The following CTNNA2 variants were observed in gnomAD, a reference collection of about 807,000 sequenced individuals.
CTNNA2 encodes the protein catenin alpha 2, also known as catenin alpha-2.
CTNNA2 carries 42 observed loss-of-function variants against 101.0 expected under a neutral mutation model. That is an observed-to-expected ratio of 0.42 (90% confidence interval 0.32 to 0.54). CTNNA2 has a LOEUF of 0.54. Ranked by LOEUF, CTNNA2 falls within the 20% of genes least tolerant of loss-of-function variation. The probability of loss-of-function intolerance (pLI) is 0.14; values close to 1 mark genes in which losing one functional copy is unlikely to be tolerated. For missense variants in CTNNA2, 871 were observed against 1,223.1 expected (o/e 0.71, Z 4.29); for synonymous variants, 450 against 456.4 (o/e 0.99, Z 0.18).
chr2:80,618,083 C>G (rs17019502), intron 17 of CTNNA2, among the ~76,000 whole-genome samples: 7,745 of 151,668 alleles, frequency 0.051, 662 homozygotes, highest in African/African-American at 0.18. Flanking sequence ...TTTGAGTATT[C>G]TATTTTAAAC....
intron 2 of CTNNA2, among the ~76,000 whole-genome samples, chr2:79,205,408 T>G (rs146129874): frequency 1.2e-4 from 19 of 152,308 alleles, no homozygotes; most frequent in Admixed American, 1.2e-3. Flanking sequence ...TTTTATGCTA[T>G]GAAGTTTGCA....
chr2:79,771,867 G>T (rs1673608311), intron 3 of CTNNA2, among the ~76,000 whole-genome samples: 1 of 152,058 alleles, frequency 6.6e-6, no homozygotes, highest in Admixed American at 6.6e-5. Flanking sequence ...CGACTGTTTT[G>T]TACATTTTAA....
At chr2:80,124,173 G>C (rs559039881) in intron 7 of CTNNA2, among the ~76,000 whole-genome samples, 1 of 152,208 alleles carries the variant, frequency 6.6e-6, no homozygotes, top group Admixed American at 6.5e-5. Flanking sequence ...GCGAAGTCTT[G>C]GTGGCATGTC....
At chr2:80,337,571 T>C (rs1381708849) in intron 7 of CTNNA2, among the ~76,000 whole-genome samples, 1 of 147,012 alleles carries the variant, frequency 6.8e-6, no homozygotes, top group African/African-American at 2.5e-5. Flanking sequence ...CTTCACAAGC[T>C]CCCCTTCCCA....
intron 9 of CTNNA2, among the ~76,000 whole-genome samples, chr2:80,524,575 T>C (rs967952694): frequency 6.6e-6 from 1 of 152,320 alleles, no homozygotes. Context: ...ACTAGTCACG[T>C]TGAACTACTT....
At chr2:79,382,800 G>A (rs1678054447) in intron 4 of CTNNA2, among the ~76,000 whole-genome samples, 1 of 152,078 alleles carries the variant, frequency 6.6e-6, no homozygotes, top group Admixed American at 6.5e-5. Context: ...TTTTTTAATA[G>A]AGAGGGGGTT....
intron 9 of CTNNA2, among the ~76,000 whole-genome samples, chr2:80,543,453 G>C (rs1347295826): frequency 1.3e-5 from 2 of 152,150 alleles, no homozygotes; most frequent in African/African-American, 4.8e-5. Context: ...GGTAATGTTT[G>C]AATTCACTTG....
intron 1 of CTNNA2, among the ~76,000 whole-genome samples, chr2:79,533,720 C>T (rs1369965533): frequency 6.6e-6 from 1 of 152,140 alleles, no homozygotes; most frequent in East Asian, 1.9e-4. Context: ...CGATCAGGTT[C>T]TGTTTATAGG....
intron 2 of CTNNA2, among the ~76,000 whole-genome samples, chr2:79,232,507 A>C (rs748610316): frequency 3.9e-5 from 6 of 151,912 alleles, no homozygotes; most frequent in Non-Finnish European, 5.9e-5. Flanking sequence ...TTCTTTTTTC[A>C]TTGTGTCTCT....
intron 7 of CTNNA2, among the ~76,000 whole-genome samples, chr2:80,076,697 T>G (rs958883622): frequency 6.6e-6 from 1 of 152,058 alleles, no homozygotes; most frequent in African/African-American, 2.4e-5. Context: ...GCTAAATAAT[T>G]TTATAAGCCT....
At chr2:80,024,082 G>A (rs887881033) in intron 7 of CTNNA2, among the ~76,000 whole-genome samples, 5 of 130,534 alleles carry the variant, frequency 3.8e-5, no homozygotes, top group Non-Finnish European at 4.7e-5. Flanking sequence ...GCGAGACTCC[G>A]TCTCAGAAAA....
chr2:79,232,596 T>C (rs546448014), intron 2 of CTNNA2, among the ~76,000 whole-genome samples: 1 of 152,348 alleles, frequency 6.6e-6, no homozygotes, highest in South Asian at 2.1e-4. Flanking sequence ...CTTTTTGGAA[T>C]AGTTTCACTG....
intron 4 of CTNNA2, among the ~76,000 whole-genome samples, chr2:79,861,448 T>C (rs2103971377): frequency 6.6e-6 from 1 of 152,312 alleles, no homozygotes; most frequent in South Asian, 2.1e-4. Context: ...CACAGGCAAA[T>C]GTCGTTCAGC....
At chr2:79,816,550 G>A (rs1677517941) in intron 3 of CTNNA2, among the ~76,000 whole-genome samples, 1 of 152,136 alleles carries the variant, frequency 6.6e-6, no homozygotes, top group South Asian at 2.1e-4. Context: ...AAGAGCAGGA[G>A]CATATATCTC....
At chr2:79,504,670 A>G (rs1671373939) in intron 4 of CTNNA2, among the ~76,000 whole-genome samples, 1 of 152,160 alleles carries the variant, frequency 6.6e-6, no homozygotes, top group Admixed American at 6.5e-5. Flanking sequence ...TATAAGTCAT[A>G]AGATTTTGCC....
intron 8 of CTNNA2, among the ~76,000 whole-genome samples, chr2:80,414,127 G>A (rs938672464): frequency 6.6e-6 from 1 of 152,170 alleles, no homozygotes; most frequent in Non-Finnish European, 1.5e-5. Flanking sequence ...GGAAGGTTTA[G>A]CAAAGAAAGA....
intron 11 of CTNNA2, 50 bp from the exon 12 acceptor site, chr2:80,555,643 A>T: frequency 8.8e-7 from 1 of 1,135,086 alleles, no homozygotes; most frequent in Non-Finnish European, 1.2e-6. Flanking sequence ...TAATTGGTTA[A>T]GTTCTGAGTT....
intron 7 of CTNNA2, among the ~76,000 whole-genome samples, chr2:79,949,106 T>C (rs905998169): frequency 1.3e-5 from 2 of 152,150 alleles, no homozygotes; most frequent in Non-Finnish European, 2.9e-5. Flanking sequence ...AAGAAAGATA[T>C]TATATAAACT....
At chr2:80,442,621 G>A (rs919424193) in intron 9 of CTNNA2, among the ~76,000 whole-genome samples, 4 of 152,108 alleles carry the variant, frequency 2.6e-5, no homozygotes, top group Non-Finnish European at 5.9e-5. Context: ...TAGAATTTTA[G>A]GCCATTAATA....
Sources: allele counts gnomAD v4.1 joint callset (sites outside exome capture counted in the v4.1 genomes callset), GRCh38; gene constraint gnomAD v4.1.1; transcripts MANE v1.5; gene names NCBI Gene and HGNC (gene_info 2026-07-23, HGNC 2026-07-21).